The following ZFYVE26 variants were observed in gnomAD, a reference collection of about 807,000 sequenced individuals.
The protein encoded by ZFYVE26 is zinc finger FYVE domain-containing protein 26.
In ZFYVE26, 181 loss-of-function variants were observed where a neutral mutation model predicts 276.5. The observed-to-expected ratio is 0.65, with a 90% confidence interval of 0.58 to 0.74. The LOEUF is 0.74. Among genes scored for constraint, ZFYVE26 ranks in the 30% least tolerant of loss-of-function variants. The pLI, the probability that ZFYVE26 is intolerant of heterozygous loss-of-function variation, is 0.00. For missense variants in ZFYVE26, 2,821 were observed against 3,097.9 expected, an observed-to-expected ratio of 0.91 and a Z score of 2.12; for synonymous variants, 1,129 against 1,203.1, an observed-to-expected ratio of 0.94 and a Z score of 1.27.
In ZFYVE26 at chr14:67,798,322, C is replaced by T; in HGVS notation, c.1940G>A (p.Ser647Asn). ...GTCTTTTGGCTCTGCCTTCACATGG[C>T]TTGGCATTGTATAAGCAAGGGTCTT... ...VPKTLAYTMP[S>N]HVKAEPKDSY... is the part of the protein sequence containing the mutation. Residue 647 changes from serine (S) to asparagine (N), a missense_variant, in exon 11 of 42, where the codon AGC (serine) becomes AAC (asparagine). By Grantham distance (46) the Ser-to-Asn change is conservative. Coordinates refer to ENST00000347230, the MANE Select transcript of ZFYVE26 (RefSeq NM_015346.4). The T allele has an allele frequency of 3.1e-6, 5 of 1,613,402 alleles. No homozygotes were observed. The highest frequency in any genetic ancestry group is 4.2e-6 in the Non-Finnish European group (5 of 1,179,712).
intron 2 of ZFYVE26, among the ~76,000 whole-genome samples, chr14:67,814,572 G>C (rs1220187342): frequency 6.6e-6 from 1 of 151,680 alleles, no homozygotes. Flanking sequence ...CCAGAACAGA[G>C]CTAGCAGCTT....
chr14:67,791,974 C>T (rs543732181), intron 14 of ZFYVE26, among the ~76,000 whole-genome samples: 26 of 150,930 alleles, frequency 1.7e-4, no homozygotes, highest in African/African-American at 5.1e-4. Flanking sequence ...GCAGGAGAAT[C>T]GCTTGATCCC....
At chr14:67,783,564 AC>A in intron 20 of ZFYVE26, 39 bp from the exon 21 acceptor site, 1 of 1,606,646 alleles carries the variant, frequency 6.2e-7, no homozygotes, top group South Asian at 1.1e-5. Context: ...AGGCCTGAAT[AC>A]ACAGGCACCA....
rs181198068 is a variant in ZFYVE26, at chr14:67,797,692, C to T, written c.2312G>A (p.Arg771Gln). 8.1e-6 allele frequency: 13 copies of T among 1,614,110 alleles called. No individual in the cohort carries two copies. The highest frequency in any genetic ancestry group is 6.7e-5 in the East Asian group (3 of 44,880). ...TRHPSLRRGR[R>Q]TRRSQADGRD... ...ATTACCTGCCTGGCTCCTTCTTGTC[C>T]GACGACCCCGGCGGAGACTGGGGTG... The change falls in exon 12 of 42, where the codon CGG becomes CAG. Residue 771 changes from arginine (R) to glutamine (Q), a missense_variant. Transcript: ENST00000347230.
intron 22 of ZFYVE26, 90 bp downstream of exon 22, chr14:67,781,242 CT>C: frequency 6.7e-7 from 1 of 1,492,454 alleles, no homozygotes; most frequent in Non-Finnish European, 9.3e-7. Context: ...TATATTTTCT[CT>C]TTCTTAAAGT....
At chr14:67,750,139 C>G (rs937229986) in intron 41 of ZFYVE26, among the ~76,000 whole-genome samples, 1 of 152,170 alleles carries the variant, frequency 6.6e-6, no homozygotes, top group Non-Finnish European at 1.5e-5. Context: ...CTGTTAGGTT[C>G]TCAGTCTGAC....
intron 3 of ZFYVE26, among the ~76,000 whole-genome samples, chr14:67,810,360 G>C (rs1382963034): frequency 1.3e-5 from 2 of 152,130 alleles, no homozygotes. Context: ...AGTGAAAGAA[G>C]AACAGTATAA....
Position 67,807,891 on chromosome 14 carries a change from T to A in ZFYVE26, c.393A>T (p.Ala131=). ...EELYETLTQG[A]VGHVPDGNPR... ...GATTTCCGTCAGGCACGTGGCCTAC[T>A]GCACCCTGTGTTAAGGTCTCATACA... The change falls in exon 5 of 42, where the codon GCA becomes GCT. Residue 131 remains alanine, a synonymous_variant. Coordinates refer to ENST00000347230, the MANE Select transcript of ZFYVE26 (RefSeq NM_015346.4). 6.2e-7 allele frequency: 1 copy of A among 1,614,138 alleles called. No homozygotes were observed. Among genetic ancestry groups the A allele is most frequent in the South Asian group, 1.1e-5 (1 of 91,086 alleles).
intron 29 of ZFYVE26, among the ~76,000 whole-genome samples, chr14:67,769,234 C>T (rs1481177295): frequency 6.6e-6 from 1 of 152,164 alleles, no homozygotes; most frequent in Non-Finnish European, 1.5e-5. Flanking sequence ...CAGGTGTGAA[C>T]ATGTCCATTT....
intron 27 of ZFYVE26, among the ~76,000 whole-genome samples, chr14:67,773,539 A>G (rs1213221868): frequency 1.7e-5 from 2 of 120,688 alleles, no homozygotes; most frequent in African/African-American, 6.0e-5. Flanking sequence ...GTCTCCAAAA[A>G]AAAAAAAAAA....
intron 10 of ZFYVE26, chr14:67,799,503 A>G: frequency 6.2e-7 from 1 of 1,603,438 alleles, no homozygotes. Flanking sequence ...AGACAAAAGG[A>G]TCGGCAAAAG....
downstream of ZFYVE26, among the ~76,000 whole-genome samples, chr14:67,744,882 A>C (rs543357284): frequency 8.5e-5 from 13 of 152,320 alleles, no homozygotes; most frequent in East Asian, 2.3e-3. Context: ...ATATGTGTGC[A>C]TGTCTCTTTA....
chr14:67,783,626 AG>A (rs921492395), intron 20 of ZFYVE26, 101 bp from the exon 21 acceptor site: 3 of 1,473,674 alleles, frequency 2.0e-6, no homozygotes, highest in African/African-American at 1.4e-5. Flanking sequence ...TGTAAATAAA[AG>A]TTCCTAATTG....
At chr14:67,769,275 AG>A (rs1326264556) in intron 29 of ZFYVE26, among the ~76,000 whole-genome samples, 1 of 152,186 alleles carries the variant, frequency 6.6e-6, no homozygotes, top group Non-Finnish European at 1.5e-5. Flanking sequence ...GAAGCAAGAG[AG>A]GCTGGAAAAT....
At chr14:67,757,725 CTTTT>C (rs1157711819) in intron 35 of ZFYVE26, among the ~76,000 whole-genome samples, 1 of 140,310 alleles carries the variant, frequency 7.1e-6, no homozygotes, top group Admixed American at 7.3e-5. Context: ...CTTTCTTTTT[CTTTT>C]TTTAAGACAG....
exon 14 of ZFYVE26, chr14:67,729,498 T>C: frequency 4.0e-6 from 4 of 1,001,786 alleles, no homozygotes; most frequent in South Asian, 1.3e-5. Flanking sequence ...CAGGTTTGGG[T>C]TGGGCCTGCA....
At chr14:67,767,219 T>C (rs1163521850) in intron 31 of ZFYVE26, among the ~76,000 whole-genome samples, 1 of 152,202 alleles carries the variant, frequency 6.6e-6, no homozygotes, top group Admixed American at 6.5e-5. Context: ...ATCAAGTAGA[T>C]AGTCCTTACT....
Position 67,756,004 on chromosome 14 carries a change from G to C in ZFYVE26, c.6730C>G (p.His2244Asp). ...WGKYLIAACQ[H>D]LQKKNYYHIL... ...TGGTAGTAGTTCTTCTTCTGTAAAT[G>C]TTGGCAGGCAGCAATCAAGTACTTT... The change falls in exon 36 of 42, where the codon CAT becomes GAT. Residue 2244 changes from histidine (H) to aspartate (D), a missense_variant. Physicochemically the swap from His to Asp is moderately conservative, Grantham distance 81 (BLOSUM62 -1). Coordinates refer to ENST00000347230, the MANE Select transcript of ZFYVE26 (RefSeq NM_015346.4). 1 of 1,614,256 alleles carries C rather than the reference G, an allele frequency of 6.2e-7. No homozygotes were observed. The highest frequency in any genetic ancestry group is 8.5e-7 in the Non-Finnish European group (1 of 1,180,048).
At chr14:67,785,684 G>A (rs1253101059) in intron 18 of ZFYVE26, among the ~76,000 whole-genome samples, 174 bp downstream of exon 18, 1 of 152,110 alleles carries the variant, frequency 6.6e-6, no homozygotes, top group East Asian at 1.9e-4. Context: ...ATTGAGAGGT[G>A]GGAAAACAGG....
Sources: gnomAD v4.1 joint callset for allele counts (sites outside exome capture counted in the v4.1 genomes callset) on GRCh38, gnomAD v4.1.1 for gene constraint, MANE v1.5 for transcripts, NCBI Gene and HGNC (gene_info 2026-07-23, HGNC 2026-07-21) for gene names.